The following CUBN variants were observed in gnomAD, a reference collection of about 807,000 sequenced individuals.
CUBN encodes the protein cubilin, also known as 460 kDa receptor.
CUBN carries 282 observed loss-of-function variants against 405.3 expected under a neutral mutation model. The ratio of observed to expected loss-of-function variants is 0.70; its 90% confidence interval spans 0.63 to 0.77. The LOEUF is 0.77. Ranked by LOEUF, CUBN falls within the 30% of genes least tolerant of loss-of-function variation. The probability of loss-of-function intolerance (pLI) is 0.00; values close to 1 mark genes in which losing one functional copy is unlikely to be tolerated. For missense variants in CUBN, 4,514 were observed against 4,475.2 expected, an observed-to-expected ratio of 1.01 and a Z score of -0.25; for synonymous variants, 1,684 against 1,617.0, an observed-to-expected ratio of 1.04 and a Z score of -0.99.
intron 14 of CUBN, among the ~76,000 whole-genome samples, chr10:17,091,041 G>C (rs1836246158): frequency 6.6e-6 from 1 of 152,110 alleles, no homozygotes; most frequent in African/African-American, 2.4e-5. Context: ...CACAGAAAAA[G>C]TCAGAGCTCT....
intron 54 of CUBN, among the ~76,000 whole-genome samples, chr10:16,892,920 C>T (rs1278478976): frequency 6.6e-6 from 1 of 152,144 alleles, no homozygotes; most frequent in African/African-American, 2.4e-5. Flanking sequence ...TTTCTGAAGT[C>T]ATTAATTATA....
At chr10:17,081,266 C>T (rs1183358374) in intron 17 of CUBN, among the ~76,000 whole-genome samples, 1 of 152,164 alleles carries the variant, frequency 6.6e-6, no homozygotes, top group East Asian at 1.9e-4. Context: ...CCTAAAACCA[C>T]ACAAAGAGAA....
intron 47 of CUBN, 121 bp from the exon 48 acceptor site, chr10:16,914,113 T>A (rs572268214): frequency 3.6e-5 from 37 of 1,025,806 alleles, no homozygotes; most frequent in South Asian, 3.3e-4. Flanking sequence ...AGTCTCCATA[T>A]TTATTTATGT....
intron 22 of CUBN, among the ~76,000 whole-genome samples, chr10:17,049,186 G>T (rs1426540108): frequency 6.6e-6 from 1 of 152,142 alleles, no homozygotes; most frequent in East Asian, 1.9e-4. Context: ...GAGCGGGGAG[G>T]AGTATAGCAT....
intron 59 of CUBN, among the ~76,000 whole-genome samples, chr10:16,856,602 G>A (rs1839875820): frequency 6.6e-6 from 1 of 152,206 alleles, no homozygotes; most frequent in African/African-American, 2.4e-5. Flanking sequence ...GAAGGCTTCA[G>A]TGGAGTTAGA....
intron 60 of CUBN, among the ~76,000 whole-genome samples, chr10:16,843,430 G>A (rs1288798681): frequency 6.6e-6 from 1 of 152,096 alleles, no homozygotes; most frequent in African/African-American, 2.4e-5. Flanking sequence ...ACTAAAACCA[G>A]TCATTGTAAA....
chr10:16,961,704 CTTTTTTTTT>C (rs138499807), intron 31 of CUBN, among the ~76,000 whole-genome samples: 25 of 74,048 alleles, frequency 3.4e-4, no homozygotes, highest in East Asian at 3.8e-4. Flanking sequence ...AAAGCAATCC[CTTTTTTTTT>C]TTTTTTTTTT....
intron 59 of CUBN, among the ~76,000 whole-genome samples, chr10:16,861,164 C>T (rs539144638): frequency 4.0e-5 from 6 of 149,556 alleles, no homozygotes; most frequent in African/African-American, 7.6e-5. Context: ...CCAATGAATG[C>T]CTTTTTTTTT....
intron 27 of CUBN, among the ~76,000 whole-genome samples, chr10:17,025,825 G>T (rs1423951108): frequency 2.0e-5 from 3 of 152,132 alleles, no homozygotes; most frequent in Non-Finnish European, 4.4e-5. Flanking sequence ...ATCCCGGACA[G>T]CCATGCAGAA....
intron 28 of CUBN, among the ~76,000 whole-genome samples, chr10:16,995,899 A>G (rs191256539): frequency 6.6e-6 from 1 of 152,328 alleles, no homozygotes; most frequent in Admixed American, 6.5e-5. Flanking sequence ...GCAGGTAACA[A>G]TGATGTCAGG....
intron 10 of CUBN, among the ~76,000 whole-genome samples, chr10:17,106,175 C>T (rs1836625280): frequency 6.6e-6 from 1 of 151,732 alleles, no homozygotes; most frequent in South Asian, 2.1e-4. Context: ...ATCCCAGCTA[C>T]TTGGGAGGGT....
chr10:17,068,869 C>A, intron 19 of CUBN, 99 bp from the exon 20 acceptor site: 1 of 995,396 alleles, frequency 1.0e-6, no homozygotes, highest in South Asian at 1.4e-5. Flanking sequence ...GAGTACAAAT[C>A]AATTTGAGAA....
At chr10:16,931,263 C>CAA (rs1207387297) in intron 40 of CUBN, among the ~76,000 whole-genome samples, 2 of 113,890 alleles carry the variant, frequency 1.8e-5, no homozygotes, top group Non-Finnish European at 1.8e-5. Flanking sequence ...GACTCCGTCT[C>CAA]AAAAAAAAAA....
intron 34 of CUBN, among the ~76,000 whole-genome samples, chr10:16,949,681 A>G (rs1034710542): frequency 6.6e-6 from 1 of 152,134 alleles, no homozygotes; most frequent in African/African-American, 2.4e-5. Flanking sequence ...TCAAATATTA[A>G]CAAGAAATTT....
At chr10:16,882,000 T>C (rs1236444342) in intron 56 of CUBN, among the ~76,000 whole-genome samples, 1 of 152,224 alleles carries the variant, frequency 6.6e-6, no homozygotes. Context: ...TTTCTCATCA[T>C]TATTGGAAGA....
intron 17 of CUBN, among the ~76,000 whole-genome samples, chr10:17,073,444 C>CT (rs11349387): frequency 0.36 from 39,753 of 109,778 alleles, 8,287 homozygotes; most frequent in East Asian, 0.54. Context: ...ATAACCAGCT[C>CT]TTTTTTTTTT....
intron 43 of CUBN, among the ~76,000 whole-genome samples, chr10:16,924,646 C>T (rs1394229485): frequency 6.6e-6 from 1 of 151,688 alleles, no homozygotes; most frequent in African/African-American, 2.4e-5. Flanking sequence ...TGAAGTGATG[C>T]CTATTTATTT....
At chr10:16,957,004 T>G (rs1564446671) in intron 31 of CUBN, among the ~76,000 whole-genome samples, 1 of 152,170 alleles carries the variant, frequency 6.6e-6, no homozygotes, top group African/African-American at 2.4e-5. Context: ...ATTCAAACAT[T>G]TATCATTTAT....
chr10:16,829,949 T>TTTTTTG (rs1564373837), intron 65 of CUBN, among the ~76,000 whole-genome samples: 1 of 150,530 alleles, frequency 6.6e-6, no homozygotes, highest in African/African-American at 2.5e-5. Flanking sequence ...TTTGTTTTTT[T>TTTTTTG]TTTTGAGACG....
Sources: gnomAD v4.1 joint callset for allele counts (sites outside exome capture counted in the v4.1 genomes callset) on GRCh38, gnomAD v4.1.1 for gene constraint, MANE v1.5 for transcripts, NCBI Gene and HGNC (gene_info 2026-07-23, HGNC 2026-07-21) for gene names.